SAXO1: variants seen among roughly 807,000 people sequenced by gnomAD.
SAXO1 encodes stabilizer of axonemal microtubules 1, also known as 4930500O09Rik.
A neutral mutation model predicts 17.5 loss-of-function variants in SAXO1; 21 were observed. The observed-to-expected ratio is 1.20, with a 90% CI of 0.85 to 1.72. SAXO1 has a LOEUF of 1.72. Ranked by LOEUF, SAXO1 falls within the 40% of genes most tolerant of loss-of-function variation. SAXO1 has a pLI of 0.00. For missense variants in SAXO1, 843 were observed against 596.0 expected, an observed-to-expected ratio of 1.41 and a Z score of -4.32; for synonymous variants, 274 against 216.5, an observed-to-expected ratio of 1.27 and a Z score of -2.33.
At chr9:18,938,724 G>C (rs1255152385) in intron 3 of SAXO1, among the ~76,000 whole-genome samples, 2 of 152,090 alleles carry the variant, frequency 1.3e-5, no homozygotes, top group Non-Finnish European at 2.9e-5. Context: ...AGCCTGAGAT[G>C]TAGCTGTATG....
intron 1 of SAXO1, among the ~76,000 whole-genome samples, chr9:19,007,157 G>T (rs965825539): frequency 6.6e-6 from 1 of 151,952 alleles, no homozygotes; most frequent in African/African-American, 2.4e-5. Flanking sequence ...GACCATCCTG[G>T]CCAACATGGT....
intron 1 of SAXO1, among the ~76,000 whole-genome samples, chr9:19,023,718 C>A (rs919950198): frequency 3.3e-5 from 5 of 151,882 alleles, no homozygotes; most frequent in South Asian, 4.2e-4. Context: ...CTCAGAAAAA[C>A]CAAAACATTA....
At chr9:18,933,430 G>T (rs1189887652) in intron 3 of SAXO1, among the ~76,000 whole-genome samples, 4 of 152,200 alleles carry the variant, frequency 2.6e-5, no homozygotes, top group South Asian at 4.1e-4. Context: ...TCTTTTTAAT[G>T]ATTTAAGAAG....
chr9:18,991,151 G>A (rs1251712057), intron 1 of SAXO1, among the ~76,000 whole-genome samples: 3 of 152,082 alleles, frequency 2.0e-5, no homozygotes, highest in Admixed American at 6.5e-5. Flanking sequence ...CCAGCTGCTC[G>A]AGAGGCTGAG....
intron 1 of SAXO1, among the ~76,000 whole-genome samples, chr9:19,011,756 C>G (rs1421088266): frequency 6.6e-6 from 1 of 152,064 alleles, no homozygotes; most frequent in Non-Finnish European, 1.5e-5. Context: ...ATGCCAATTA[C>G]GAACCACTTC....
intron 1 of SAXO1, among the ~76,000 whole-genome samples, chr9:19,042,505 C>T (rs1836101337): frequency 3.3e-5 from 5 of 152,216 alleles, no homozygotes; most frequent in Admixed American, 3.3e-4. Context: ...ATGTTTGTTG[C>T]AGCACTGTTC....
At chr9:19,027,617 G>A in intron 1 of SAXO1, 3 of 1,436,126 alleles carry the variant, frequency 2.1e-6, no homozygotes, top group East Asian at 2.3e-5. Flanking sequence ...GATGTTCACT[G>A]GAGATGGTGC....
chr9:18,941,364 C>T (rs1831548518), intron 3 of SAXO1, among the ~76,000 whole-genome samples: 1 of 152,158 alleles, frequency 6.6e-6, no homozygotes, highest in Non-Finnish European at 1.5e-5. Context: ...TGGCTGCGTT[C>T]CAATAAAACA....
chr9:19,043,514 T>C (rs761935622), intron 1 of SAXO1, among the ~76,000 whole-genome samples: 22 of 151,304 alleles, frequency 1.5e-4, no homozygotes, highest in Admixed American at 8.6e-4. Flanking sequence ...CACCTGTAAT[T>C]GGAGCACTTT....
intron 1 of SAXO1, among the ~76,000 whole-genome samples, chr9:18,981,165 C>T (rs1051701088): frequency 2.6e-5 from 4 of 152,176 alleles, no homozygotes; most frequent in African/African-American, 9.7e-5. Context: ...CTCCACAGTG[C>T]TTCTAGGTTA....
intron 1 of SAXO1, among the ~76,000 whole-genome samples, chr9:19,029,046 G>T (rs1835641919): frequency 6.6e-6 from 1 of 152,282 alleles, no homozygotes; most frequent in East Asian, 1.9e-4. Flanking sequence ...CTGCCATCTT[G>T]TGGCCAAATA....
chr9:18,944,268 C>T (rs919692851), intron 2 of SAXO1, among the ~76,000 whole-genome samples: 11 of 152,156 alleles, frequency 7.2e-5, no homozygotes, highest in African/African-American at 2.7e-4. Context: ...TTTTTTATAA[C>T]CTACCCAAAC....
At chr9:19,040,926 T>A (rs1836064167) in intron 1 of SAXO1, among the ~76,000 whole-genome samples, 1 of 150,196 alleles carries the variant, frequency 6.7e-6, no homozygotes, top group African/African-American at 2.5e-5. Flanking sequence ...TATACCTCAA[T>A]AAAGCATTAA....
chr9:19,018,294 T>C (rs1019017304), intron 1 of SAXO1, among the ~76,000 whole-genome samples: 8 of 152,222 alleles, frequency 5.3e-5, no homozygotes, highest in African/African-American at 1.9e-4. Context: ...AAGAAAAGCC[T>C]CTTAAAATTC....
chr9:18,988,640 T>G (rs758450247), intron 1 of SAXO1, among the ~76,000 whole-genome samples: 9 of 152,210 alleles, frequency 5.9e-5, no homozygotes, highest in Non-Finnish European at 1.3e-4. Flanking sequence ...CTTTGGATAA[T>G]CAATGTATGC....
chr9:18,930,603 G>A (rs969523254), intron 3 of SAXO1, among the ~76,000 whole-genome samples: 36 of 152,022 alleles, frequency 2.4e-4, no homozygotes, highest in Admixed American at 8.5e-4. Context: ...AGGTTCAAGC[G>A]ATTCTCCTGC....
chr9:19,037,422 CAT>C (rs35634279), upstream of SAXO1, among the ~76,000 whole-genome samples: 9,619 of 152,242 alleles, frequency 0.063, 351 homozygotes, highest in African/African-American at 0.1. Flanking sequence ...ATAATTCCCA[CAT>C]GTTGTGGGAG....
At chr9:19,043,040 T>A (rs1042879305) in intron 1 of SAXO1, among the ~76,000 whole-genome samples, 1 of 151,810 alleles carries the variant, frequency 6.6e-6, no homozygotes, top group African/African-American at 2.4e-5. Context: ...GGCATGGTGG[T>A]ACACACCTGT....
intron 1 of SAXO1, among the ~76,000 whole-genome samples, chr9:19,012,003 G>GCA (rs1834759462): frequency 1.3e-5 from 2 of 151,914 alleles, no homozygotes; most frequent in Admixed American, 6.6e-5. Flanking sequence ...AGGTCACCAT[G>GCA]CCCGGCCAAT....
Sources: allele counts gnomAD v4.1 joint callset (sites outside exome capture counted in the v4.1 genomes callset), GRCh38; gene constraint gnomAD v4.1.1; transcripts MANE v1.5; gene names NCBI Gene and HGNC (gene_info 2026-07-23, HGNC 2026-07-21).